The following C6orf89 variants were observed in gnomAD, a reference collection of about 807,000 sequenced individuals.
C6orf89 encodes the protein bombesin receptor-activated protein C6orf89.
C6orf89 carries 29 observed loss-of-function variants against 40.7 expected under a neutral mutation model. That is an observed-to-expected ratio of 0.71 (90% CI 0.53 to 0.97). The LOEUF (loss-of-function observed/expected upper bound fraction) is 0.97. C6orf89 is among the 50% of genes least tolerant of loss of function. The pLI, the probability that C6orf89 is intolerant of heterozygous loss-of-function variation, is 0.00. For synonymous variants in C6orf89, 165 were observed against 152.2 expected (o/e 1.08, Z -0.62); for missense variants, 392 against 429.1 (o/e 0.91, Z 0.76).
upstream of C6orf89, among the ~76,000 whole-genome samples, chr6:36,881,925 A>G (rs1774823391): frequency 6.6e-6 from 1 of 152,226 alleles, no homozygotes; most frequent in Non-Finnish European, 1.5e-5. Context: ...CTAAAATATT[A>G]TTAAAAACTA....
intron 1 of C6orf89, among the ~76,000 whole-genome samples, chr6:36,876,285 A>G (rs1170187331): frequency 6.6e-6 from 1 of 152,166 alleles, no homozygotes; most frequent in Non-Finnish European, 1.5e-5. Flanking sequence ...TAAATCTTTT[A>G]CTGCAGCTCC....
At chr6:36,894,699 A>T (rs1761357349) in intron 2 of C6orf89, 96 bp downstream of exon 2, 1 of 228,000 alleles carries the variant, frequency 4.4e-6, no homozygotes, top group African/African-American at 2.3e-5. Flanking sequence ...ACATGTATGA[A>T]ATGGGATCGA....
intron 1 of C6orf89, among the ~76,000 whole-genome samples, chr6:36,873,775 G>A (rs1391479376): frequency 6.6e-6 from 1 of 152,156 alleles, no homozygotes; most frequent in Non-Finnish European, 1.5e-5. Context: ...GCAGCAATGG[G>A]CAAGAACAGA....
chr6:36,880,609 C>A (rs1352431109), intron 2 of C6orf89, among the ~76,000 whole-genome samples: 1 of 151,408 alleles, frequency 6.6e-6, no homozygotes, highest in Non-Finnish European at 1.5e-5. Context: ...GACATTTTGT[C>A]TAAATTATGC....
In C6orf89 at chr6:36,919,549, T is replaced by A. The variant is rs113307522; in HGVS notation, c.826-29T>A. 5 of 1,597,428 alleles carry A rather than the reference T, an allele frequency of 3.1e-6. No individual in the cohort carries two copies. In the African/African-American group the frequency reaches 5.4e-5, roughly 17 times the overall value. ...TTTATTTCGTTTTCTTTGCCTTCCT[T>A]TTCCTCCCCTCCTCATTCTTTCCTC... On this transcript the variant is annotated intron_variant, in intron 7 of 8. Transcript: ENST00000480824.
intron 6 of C6orf89, among the ~76,000 whole-genome samples, chr6:36,915,983 A>G (rs7770155): frequency 0.25 from 37,862 of 151,986 alleles, 5,002 homozygotes; most frequent in East Asian, 0.32. Flanking sequence ...TCTTTCTTTA[A>G]ATGTGCTGTT....
chr6:36,898,832 T>G (rs1761548368), intron 2 of C6orf89, among the ~76,000 whole-genome samples: 1 of 151,918 alleles, frequency 6.6e-6, no homozygotes, highest in Non-Finnish European at 1.5e-5. Flanking sequence ...CAGAAGAAAT[T>G]AAAAAAAAGA....
intron 1 of C6orf89, among the ~76,000 whole-genome samples, chr6:36,890,035 G>A (rs1226062870): frequency 6.6e-6 from 1 of 152,188 alleles, no homozygotes; most frequent in African/African-American, 2.4e-5. Flanking sequence ...ACAGCTTGAT[G>A]AATTTGGACA....
At position 36,916,515 on chromosome 6, in the gene C6orf89, A is replaced by G. The variant is rs765938617; in HGVS notation, c.766A>G (p.Lys256Glu). 6.2e-7 allele frequency: 1 copy of G among 1,614,080 alleles called. No homozygotes were observed. The highest frequency in any genetic ancestry group is 1.7e-5 in the Admixed American group (1 of 60,000). The stretch of plus-strand genomic sequence containing the variant: ...TGTTTTCACTCACCTGCCATTTCCA[A>G]AAGATGCCTCTTTAAACAAGTGCTC... Reference protein sequence around the residue: ...FPVFTHLPFPKDASLNKCSFL... With the variant: ...FPVFTHLPFPEDASLNKCSFL... Residue 256 changes from lysine (K) to glutamate (E), a missense_variant, in exon 7 of 9, where the codon AAA becomes GAA. Coordinates refer to ENST00000480824, the MANE Select transcript of C6orf89 (RefSeq NM_001286635.2).
intron 2 of C6orf89, among the ~76,000 whole-genome samples, chr6:36,896,956 C>T (rs192914565): frequency 1.1e-4 from 16 of 151,512 alleles, no homozygotes; most frequent in Non-Finnish European, 1.6e-4. Context: ...GGTGAAACCC[C>T]GTCTCTACTA....
chr6:36,891,240 G>A (rs1325550478), intron 1 of C6orf89, among the ~76,000 whole-genome samples: 2 of 152,100 alleles, frequency 1.3e-5, no homozygotes, highest in Non-Finnish European at 2.9e-5. Flanking sequence ...GAGAACATAC[G>A]GTGTTTGGTT....
intron 1 of C6orf89, among the ~76,000 whole-genome samples, chr6:36,887,664 G>A (rs1027753827): frequency 6.6e-6 from 1 of 152,182 alleles, no homozygotes; most frequent in Non-Finnish European, 1.5e-5. Flanking sequence ...GATGGGAAAT[G>A]AAACTGAACA....
intron 1 of C6orf89, chr6:36,892,658 A>G (rs16889252): frequency 0.23 from 34,238 of 152,118 alleles, 3,962 homozygotes; most frequent in East Asian, 0.32. Context: ...GAAAGCGTAC[A>G]CACCTGAGCT....
intron 4 of C6orf89, among the ~76,000 whole-genome samples, chr6:36,912,096 G>A (rs1028642763): frequency 1.3e-5 from 2 of 151,948 alleles, no homozygotes. Context: ...TCCTCTTTTT[G>A]TTCTGAGTAG....
chr6:36,905,630 T>TAAA (rs1761900207), intron 4 of C6orf89, among the ~76,000 whole-genome samples: 1 of 152,216 alleles, frequency 6.6e-6, no homozygotes, highest in Non-Finnish European at 1.5e-5. Context: ...TTTGACTGAC[T>TAAA]TAATCCTTCC....
intron 1 of C6orf89, among the ~76,000 whole-genome samples, chr6:36,889,037 G>A (rs955872054): frequency 1.3e-5 from 2 of 152,204 alleles, no homozygotes; most frequent in Non-Finnish European, 2.9e-5. Context: ...GAACCCTAGA[G>A]AGAGTTGTAG....
At chr6:36,888,389 T>C (rs1018680471) in intron 1 of C6orf89, among the ~76,000 whole-genome samples, 1 of 152,198 alleles carries the variant, frequency 6.6e-6, no homozygotes, top group African/African-American at 2.4e-5. Flanking sequence ...CCTAGCACTT[T>C]GGGAGGCTAA....
chr6:36,922,068 G>A (rs907387021), intron 8 of C6orf89, among the ~76,000 whole-genome samples: 3 of 151,946 alleles, frequency 2.0e-5, no homozygotes, highest in African/African-American at 7.3e-5. Context: ...CATGCGCGAT[G>A]GCTCACGCCT....
chr6:36,898,798 A>T (rs1025054472), intron 2 of C6orf89, among the ~76,000 whole-genome samples: 46 of 152,170 alleles, frequency 3.0e-4, no homozygotes, highest in Non-Finnish European at 3.8e-4. Context: ...TATTTGTAGA[A>T]AAGCATGAGG....
Sources: allele counts gnomAD v4.1 joint callset (sites outside exome capture counted in the v4.1 genomes callset), GRCh38; gene constraint gnomAD v4.1.1; transcripts MANE v1.5; gene names NCBI Gene and HGNC (gene_info 2026-07-23, HGNC 2026-07-21).